The following CHD9 variants were observed in gnomAD, a reference collection of about 807,000 sequenced individuals.
The protein encoded by CHD9 is ATP-dependent chromatin remodeler CHD9.
Under a neutral mutation model 316.1 loss-of-function variants are expected in CHD9, and 77 were observed. That is an observed-to-expected ratio of 0.24 (90% confidence interval 0.20 to 0.29). The LOEUF (loss-of-function observed/expected upper bound fraction) is 0.29, where lower values mean the gene tolerates loss of function less well. Among genes scored for constraint, CHD9 ranks in the 10% least tolerant of loss-of-function variants. The pLI is 1.00. For synonymous variants in CHD9, 1,129 were observed against 1,158.3 expected, an observed-to-expected ratio of 0.97 and a Z score of 0.51; for missense variants, 2,763 against 3,438.1, an observed-to-expected ratio of 0.80 and a Z score of 4.91.
intron 2 of CHD9, among the ~76,000 whole-genome samples, chr16:53,198,975 T>A (rs1322835745): frequency 3.3e-5 from 5 of 152,172 alleles, no homozygotes; most frequent in Non-Finnish European, 7.4e-5. Flanking sequence ...GGAATTTGCA[T>A]TTGAATATAG....
chr16:53,235,174 T>C lies in CHD9; in HGVS notation c.2512-11T>C. ...ATTTAAACACCATTCATTCTTTGTTTTTCCACAAAGGACCGTCCTCCTTCT... is the reference window on the plus strand; with the variant it reads ...ATTTAAACACCATTCATTCTTTGTTCTTCCACAAAGGACCGTCCTCCTTCT... On this transcript the variant is annotated splice_polypyrimidine_tract_variant and intron_variant, in intron 10 of 38. Transcript: ENST00000447540. 1 of 1,550,018 alleles carries C rather than the reference T, an allele frequency of 6.5e-7. No homozygotes were observed. The highest frequency in any genetic ancestry group is 8.7e-7 in the Non-Finnish European group (1 of 1,146,388).
At chr16:53,132,099 T>G (rs917377317) in intron 1 of CHD9, among the ~76,000 whole-genome samples, 2 of 136,930 alleles carry the variant, frequency 1.5e-5, no homozygotes, top group Admixed American at 1.4e-4. Flanking sequence ...TAAAAAAAAT[T>G]TTTTTTGGGG....
At chr16:53,293,418 C>G (rs1430266163) in intron 29 of CHD9, among the ~76,000 whole-genome samples, 1 of 151,690 alleles carries the variant, frequency 6.6e-6, no homozygotes, top group South Asian at 2.1e-4. Context: ...ATTTCGAGAC[C>G]AGCCCTGGCA....
intron 2 of CHD9, among the ~76,000 whole-genome samples, chr16:53,192,615 C>T (rs1429742549): frequency 6.6e-6 from 1 of 152,172 alleles, no homozygotes; most frequent in Non-Finnish European, 1.5e-5. Context: ...GCTCTCATCC[C>T]CACAATTCCC....
At chr16:53,267,773 C>T (rs949408618) in intron 21 of CHD9, among the ~76,000 whole-genome samples, 154 bp from the exon 22 acceptor site, 3 of 152,124 alleles carry the variant, frequency 2.0e-5, no homozygotes, top group Admixed American at 6.6e-5. Context: ...CTAGAAATTA[C>T]TATACCATTC....
intron 29 of CHD9, among the ~76,000 whole-genome samples, chr16:53,294,092 C>T (rs1040934504): frequency 1.3e-5 from 2 of 152,064 alleles, no homozygotes; most frequent in Non-Finnish European, 1.5e-5. Flanking sequence ...AAGACAAATC[C>T]TTGGAACTAC....
chr16:53,195,612 C>T (rs140035438), intron 2 of CHD9, among the ~76,000 whole-genome samples: 3 of 152,106 alleles, frequency 2.0e-5, no homozygotes, highest in Admixed American at 6.5e-5. Context: ...CAGCTTGTTT[C>T]TTCAAGGCCA....
At chr16:53,164,753 G>A (rs1394653763) in intron 2 of CHD9, among the ~76,000 whole-genome samples, 5 of 151,774 alleles carry the variant, frequency 3.3e-5, no homozygotes, top group Admixed American at 2.0e-4. Context: ...TCCTGGGTTC[G>A]AGTGATTCTT....
At chr16:53,107,459 C>T (rs975067869) in intron 1 of CHD9, among the ~76,000 whole-genome samples, 1 of 129,828 alleles carries the variant, frequency 7.7e-6, no homozygotes. Context: ...CACTCCATCT[C>T]AAAATAAAAT....
In CHD9 at chr16:53,260,216, C is replaced by T. The variant is rs138952066; in HGVS notation, c.4210-2771C>T. Reference sequence around the variant, plus strand: ...TATGAAGGTCAGGACTGGTGGCACACGCCTCTAATTCTAACACTTCGGGAG... The same window carrying T: ...TATGAAGGTCAGGACTGGTGGCACATGCCTCTAATTCTAACACTTCGGGAG... On this transcript the variant is annotated intron_variant, in intron 19 of 38. Coordinates refer to ENST00000447540, the MANE Select transcript of CHD9 (RefSeq NM_001308319.2). Among the ~76,000 whole-genome samples the T allele has an allele frequency of 6.6e-4, 100 of 152,250 alleles. 1 individual carries two copies. The highest frequency in any genetic ancestry group is 3.4e-3 in the Middle Eastern group (1 of 294).
chr16:53,289,309 A>G (rs934152656), intron 27 of CHD9, among the ~76,000 whole-genome samples: 1 of 152,194 alleles, frequency 6.6e-6, no homozygotes, highest in East Asian at 1.9e-4. Flanking sequence ...TAATCCCAGC[A>G]CTTTGGAGGG....
chr16:53,188,421 T>C (rs1030261892), intron 2 of CHD9, among the ~76,000 whole-genome samples: 9 of 152,104 alleles, frequency 5.9e-5, no homozygotes, highest in African/African-American at 2.2e-4. Context: ...TGTACCATTT[T>C]ACATTCCCAC....
intron 1 of CHD9, among the ~76,000 whole-genome samples, chr16:53,118,288 A>G (rs891760826): frequency 3.9e-5 from 6 of 152,076 alleles, no homozygotes; most frequent in African/African-American, 1.2e-4. Context: ...GTAGAGGTGC[A>G]CACCTGTAAT....
intron 1 of CHD9, among the ~76,000 whole-genome samples, chr16:53,118,678 C>A (rs1455795564): frequency 6.6e-6 from 1 of 152,020 alleles, no homozygotes; most frequent in Non-Finnish European, 1.5e-5. Context: ...TACGCATCCT[C>A]AGCCAAAATG....
At chr16:53,172,427 T>A (rs1460585264) in intron 2 of CHD9, among the ~76,000 whole-genome samples, 1 of 152,222 alleles carries the variant, frequency 6.6e-6, no homozygotes, top group African/African-American at 2.4e-5. Flanking sequence ...TTCGTTCACC[T>A]GATGATGTAT....
intron 38 of CHD9, among the ~76,000 whole-genome samples, chr16:53,322,971 A>G (rs1467194744): frequency 6.6e-6 from 1 of 151,654 alleles, no homozygotes; most frequent in Non-Finnish European, 1.5e-5. Context: ...TTGTAAAGAG[A>G]AAAAATAAGT....
chr16:53,306,969 AG>A (rs2056039431), intron 32 of CHD9, among the ~76,000 whole-genome samples: 1 of 151,996 alleles, frequency 6.6e-6, no homozygotes, highest in Non-Finnish European at 1.5e-5. Context: ...TAGCTGAGAC[AG>A]GGTTTCACCA....
chr16:53,213,418 T>C (rs975912319), intron 3 of CHD9, among the ~76,000 whole-genome samples: 2 of 152,174 alleles, frequency 1.3e-5, no homozygotes, highest in Non-Finnish European at 2.9e-5. Context: ...TAATAGTAGG[T>C]ACATAATAGA....
intron 2 of CHD9, among the ~76,000 whole-genome samples, chr16:53,173,507 C>G (rs976515819): frequency 2.0e-5 from 3 of 151,774 alleles, no homozygotes; most frequent in Non-Finnish European, 2.9e-5. Flanking sequence ...ATGCTATCTT[C>G]ATTATTTCTT....
Sources: gnomAD v4.1 joint callset for allele counts (sites outside exome capture counted in the v4.1 genomes callset) on GRCh38, gnomAD v4.1.1 for gene constraint, MANE v1.5 for transcripts, NCBI Gene and HGNC (gene_info 2026-07-23, HGNC 2026-07-21) for gene names.